The following BANK1 variants were observed in gnomAD, a reference collection of about 807,000 sequenced individuals.
The protein encoded by BANK1 is B cell scaffold protein with ankyrin repeats 1.
BANK1 carries 95 observed loss-of-function variants against 94.5 expected under a neutral mutation model. The observed-to-expected ratio is 1.00, with a 90% CI of 0.85 to 1.19. The LOEUF (loss-of-function observed/expected upper bound fraction) is 1.19, where lower values mean the gene tolerates loss of function less well. BANK1 is among the 50% of genes most tolerant of loss of function. The probability of loss-of-function intolerance (pLI) is 0.00; values close to 1 mark genes in which losing one functional copy is unlikely to be tolerated. For missense variants in BANK1, 987 were observed against 932.2 expected (o/e 1.06, Z -0.77); for synonymous variants, 334 against 308.4 (o/e 1.08, Z -0.87).
At chr4:101,820,303 C>A (rs560282309) in intron 1 of BANK1, among the ~76,000 whole-genome samples, 4 of 152,262 alleles carry the variant, frequency 2.6e-5, no homozygotes, top group African/African-American at 7.2e-5. Flanking sequence ...TGAACAATTT[C>A]TGAGTATTAA....
At chr4:101,981,606 C>A (rs755641698) in intron 7 of BANK1, among the ~76,000 whole-genome samples, 3 of 151,976 alleles carry the variant, frequency 2.0e-5, no homozygotes, top group Non-Finnish European at 4.4e-5. Flanking sequence ...TATGCCTTGG[C>A]ACATTTTAGT....
At chr4:101,841,678 G>A (rs1272083988) in intron 2 of BANK1, among the ~76,000 whole-genome samples, 5 of 151,520 alleles carry the variant, frequency 3.3e-5, no homozygotes, top group Non-Finnish European at 7.4e-5. Flanking sequence ...ACAATGTGCA[G>A]GTTAGTTACA....
chr4:101,848,831 T>C (rs1371782831), intron 2 of BANK1, among the ~76,000 whole-genome samples: 2 of 152,242 alleles, frequency 1.3e-5, no homozygotes, highest in Admixed American at 1.3e-4. Context: ...GCATTAGAGA[T>C]GGATGTCCCT....
intron 5 of BANK1, among the ~76,000 whole-genome samples, chr4:101,874,179 A>T (rs995876421): frequency 5.3e-5 from 8 of 152,122 alleles, no homozygotes; most frequent in African/African-American, 1.7e-4. Flanking sequence ...TTTTTATTCA[A>T]TTGCATGTAT....
At chr4:101,839,193 A>G (rs879511315) in intron 2 of BANK1, among the ~76,000 whole-genome samples, 1 of 152,134 alleles carries the variant, frequency 6.6e-6, no homozygotes, top group Non-Finnish European at 1.5e-5. Flanking sequence ...TACTTTTACT[A>G]GTGTCTTAAT....
At chr4:102,053,965 C>A (rs1365475242) in intron 11 of BANK1, among the ~76,000 whole-genome samples, 1 of 151,698 alleles carries the variant, frequency 6.6e-6, no homozygotes, top group East Asian at 1.9e-4. Context: ...TATGTATATA[C>A]AAATACATAT....
chr4:101,993,866 T>C (rs1386176), intron 7 of BANK1, among the ~76,000 whole-genome samples: 51,218 of 152,184 alleles, frequency 0.34, 9,807 homozygotes, highest in Non-Finnish European at 0.43. Flanking sequence ...AAGCTTTTCT[T>C]ACCAATTTTA....
intron 10 of BANK1, among the ~76,000 whole-genome samples, chr4:102,038,485 A>C (rs1329397571): frequency 6.6e-6 from 1 of 152,164 alleles, no homozygotes; most frequent in African/African-American, 2.4e-5. Context: ...GATGATCCCA[A>C]ATGAAGTCTC....
intron 7 of BANK1, among the ~76,000 whole-genome samples, chr4:101,981,517 T>A (rs1418708359): frequency 6.6e-6 from 1 of 152,152 alleles, no homozygotes; most frequent in East Asian, 1.9e-4. Context: ...GTTAAAATGT[T>A]CTGTAGCATA....
chr4:101,925,460 T>G (rs1325105666), intron 7 of BANK1, among the ~76,000 whole-genome samples: 1 of 151,748 alleles, frequency 6.6e-6, no homozygotes, highest in African/African-American at 2.4e-5. Flanking sequence ...TGCATTAAAA[T>G]TAATTCAATA....
chr4:102,046,349 A>T (rs1267856582), intron 11 of BANK1, among the ~76,000 whole-genome samples: 1 of 152,172 alleles, frequency 6.6e-6, no homozygotes, highest in Non-Finnish European at 1.5e-5. Context: ...TAATTTTGCC[A>T]TAATACAATT....
At chr4:101,865,408 T>C (rs1225620455) in intron 4 of BANK1, among the ~76,000 whole-genome samples, 1 of 152,122 alleles carries the variant, frequency 6.6e-6, no homozygotes, top group Non-Finnish European at 1.5e-5. Context: ...TTTACCTCCA[T>C]GAATCCCACC....
At chr4:101,831,331 C>T (rs952688579) in intron 2 of BANK1, among the ~76,000 whole-genome samples, 4 of 152,196 alleles carry the variant, frequency 2.6e-5, no homozygotes, top group African/African-American at 9.6e-5. Context: ...TTCTGTAAAT[C>T]CAGGGAACCT....
chr4:101,805,833 A>G (rs895603543), intron 1 of BANK1, among the ~76,000 whole-genome samples: 1 of 151,710 alleles, frequency 6.6e-6, no homozygotes, highest in Non-Finnish European at 1.5e-5. Flanking sequence ...ATGAAAAAAA[A>G]TCTTTAAAAT....
At chr4:102,025,573 C>A in intron 9 of BANK1, 64 bp downstream of exon 9, 1 of 1,465,046 alleles carries the variant, frequency 6.8e-7, no homozygotes. Context: ...GCTTACATAG[C>A]AAATAGTGCA....
intron 7 of BANK1, among the ~76,000 whole-genome samples, chr4:101,999,441 C>T (rs138875621): frequency 2.0e-5 from 3 of 152,312 alleles, no homozygotes; most frequent in African/African-American, 7.2e-5. Context: ...GTCAATAAAG[C>T]ACTGATGCAT....
At position 102,043,857 on chromosome 4, in the gene BANK1, C is replaced by T. The variant is rs761460086; in HGVS notation, c.1919C>T (p.Ala640Val). 1.2e-6 allele frequency: 2 copies of T among 1,601,574 alleles called. No individual in the cohort carries two copies. Among genetic ancestry groups the T allele is most frequent in the Non-Finnish European group, 1.7e-6 (2 of 1,170,460 alleles). ...YIAQVFQQKT[A>V]RRQSDDDKFC... ...TTTACAGTGTTTCAACAAAAGACAGCCAGAAGACAATCTGATGATGACAAG... is the reference window on the plus strand; with the variant it reads ...TTTACAGTGTTTCAACAAAAGACAGTCAGAAGACAATCTGATGATGACAAG... The change falls in exon 11 of 17, where the codon GCC (alanine) becomes GTC (valine). Residue 640 changes from alanine to valine, a missense_variant. By Grantham distance (64) the Ala-to-Val change is moderately conservative. Coordinates refer to ENST00000322953, the MANE Select transcript of BANK1 (RefSeq NM_017935.5).
At chr4:102,005,494 T>G (rs1458676364) in intron 7 of BANK1, among the ~76,000 whole-genome samples, 2 of 152,102 alleles carry the variant, frequency 1.3e-5, no homozygotes, top group Admixed American at 6.6e-5. Flanking sequence ...GAAAACTTTA[T>G]ACTTCACAGT....
chr4:101,952,481 G>A lies in BANK1; in HGVS notation c.1206+34292G>A, dbSNP rs147395659. On this transcript the variant is annotated intron_variant, in intron 7 of 16. Transcript: ENST00000322953. The stretch of plus-strand genomic sequence containing the variant: ...TGTCAATGGAAAATAAAACTTAAGC[G>A]AAAGGACATTTATATTTAGTAATTC... 1.7e-4 allele frequency among the ~76,000 whole-genome samples: 26 copies of A among 152,164 alleles called. No individual in the cohort carries two copies. The East Asian group carries it at 4.4e-3, about 26-fold the overall frequency.
Sources: gnomAD v4.1 joint callset for allele counts (sites outside exome capture counted in the v4.1 genomes callset) on GRCh38, gnomAD v4.1.1 for gene constraint, MANE v1.5 for transcripts, NCBI Gene and HGNC (gene_info 2026-07-23, HGNC 2026-07-21) for gene names.